Variants in CCNY observed in about 807,000 individuals in gnomAD.
CCNY encodes the protein cyclin Y, also known as cyclin-Y.
Under a neutral mutation model 42.8 loss-of-function variants are expected in CCNY, and 19 were observed. The ratio of observed to expected loss-of-function variants is 0.44; its 90% CI spans 0.31 to 0.65. The LOEUF (loss-of-function observed/expected upper bound fraction) is 0.65, where lower values mean the gene tolerates loss of function less well. Ranked by LOEUF, CCNY falls within the 30% of genes least tolerant of loss-of-function variation. The pLI is 0.07. For synonymous variants in CCNY, 165 were observed against 162.7 expected (o/e 1.01, Z -0.11); for missense variants, 370 against 437.3 (o/e 0.85, Z 1.37).
At chr10:35,553,867 G>A (rs4934758) in intron 8 of CCNY, among the ~76,000 whole-genome samples, 54,095 of 151,900 alleles carry the variant, frequency 0.36, 9,902 homozygotes, top group African/African-American at 0.44. Context: ...CCTGCAGACT[G>A]TTGTCTGGGG....
intron 3 of CCNY, among the ~76,000 whole-genome samples, chr10:35,304,134 C>T (rs990912053): frequency 9.2e-5 from 14 of 152,116 alleles, no homozygotes; most frequent in Non-Finnish European, 1.9e-4. Context: ...AGCTTTGCAC[C>T]TCCTGCACAT....
chr10:35,550,841 A>G (rs1708322984), intron 7 of CCNY, among the ~76,000 whole-genome samples: 1 of 151,998 alleles, frequency 6.6e-6, no homozygotes, highest in Admixed American at 6.6e-5. Flanking sequence ...CTCCAGTCTC[A>G]GGACCAGCCC....
At chr10:35,455,359 C>G (rs1189377754) in intron 1 of CCNY, 1 of 152,200 alleles carries the variant, frequency 6.6e-6, no homozygotes, top group Non-Finnish European at 1.5e-5. Context: ...TTCTCTAGCA[C>G]AGGGAATCTA....
At chr10:35,448,972 G>T (rs1414086402) in intron 1 of CCNY, among the ~76,000 whole-genome samples, 1 of 152,024 alleles carries the variant, frequency 6.6e-6, no homozygotes, top group Non-Finnish European at 1.5e-5. Flanking sequence ...TGCATTGGGT[G>T]GGAATAGCGA....
intron 1 of CCNY, among the ~76,000 whole-genome samples, chr10:35,352,961 T>C (rs891645392): frequency 1.2e-4 from 18 of 152,322 alleles, no homozygotes; most frequent in African/African-American, 4.1e-4. Context: ...GGTCTCACTC[T>C]GTAACCTGGA....
chr10:35,323,746 T>G (rs955215443), intron 3 of CCNY, among the ~76,000 whole-genome samples: 5 of 151,956 alleles, frequency 3.3e-5, no homozygotes, highest in Admixed American at 2.0e-4. Context: ...TGGCCTGGCG[T>G]GGTGGCTCCC....
chr10:35,454,315 G>C (rs577476775), intron 1 of CCNY, among the ~76,000 whole-genome samples: 1 of 152,326 alleles, frequency 6.6e-6, no homozygotes, highest in South Asian at 2.1e-4. Flanking sequence ...AGACGCAAAG[G>C]CATCCAGAAG....
At chr10:35,399,799 CT>C (rs1376304056) in intron 1 of CCNY, among the ~76,000 whole-genome samples, 2 of 152,128 alleles carry the variant, frequency 1.3e-5, no homozygotes, top group Non-Finnish European at 2.9e-5. Flanking sequence ...AATATGCTCC[CT>C]TCAGTGCCAT....
intron 1 of CCNY, among the ~76,000 whole-genome samples, chr10:35,430,883 G>A (rs931213512): frequency 2.0e-5 from 3 of 152,002 alleles, no homozygotes; most frequent in African/African-American, 7.2e-5. Context: ...GGCCGATCAC[G>A]ATCCGCGGGT....
intron 1 of CCNY, among the ~76,000 whole-genome samples, chr10:35,408,897 A>G (rs1437709474): frequency 6.6e-6 from 1 of 152,090 alleles, no homozygotes; most frequent in Non-Finnish European, 1.5e-5. Context: ...ATTTCATCAT[A>G]AATGCCTCTA....
intron 1 of CCNY, among the ~76,000 whole-genome samples, chr10:35,380,073 G>A (rs1485977197): frequency 6.6e-6 from 1 of 152,196 alleles, no homozygotes; most frequent in Non-Finnish European, 1.5e-5. Context: ...CCAGATATTG[G>A]TTAGGTTACA....
chr10:35,254,859 A>G (rs1316268141), intron 3 of CCNY, among the ~76,000 whole-genome samples: 4 of 139,544 alleles, frequency 2.9e-5, no homozygotes, highest in Non-Finnish European at 1.5e-5. Context: ...AAGGAAAGAA[A>G]AAAAGAAAAA....
At chr10:35,257,216 C>T (rs1360282951) in intron 3 of CCNY, among the ~76,000 whole-genome samples, 1 of 128,762 alleles carries the variant, frequency 7.8e-6, no homozygotes, top group African/African-American at 3.2e-5. Context: ...TTCTTTTCTC[C>T]TCCCTCCCTC....
chr10:35,438,585 A>G (rs1158537363), intron 1 of CCNY, among the ~76,000 whole-genome samples: 1 of 152,270 alleles, frequency 6.6e-6, no homozygotes, highest in East Asian at 1.9e-4. Flanking sequence ...TTTGTTTATA[A>G]CAAGTCATTT....
At chr10:35,350,111 A>G (rs1836395698) in intron 1 of CCNY, among the ~76,000 whole-genome samples, 1 of 152,184 alleles carries the variant, frequency 6.6e-6, no homozygotes, top group Admixed American at 6.5e-5. Flanking sequence ...ATTAGGTTCT[A>G]AGATGGTGTT....
At chr10:35,341,774 T>C (rs1274931677) in intron 1 of CCNY, among the ~76,000 whole-genome samples, 1 of 152,088 alleles carries the variant, frequency 6.6e-6, no homozygotes, top group Non-Finnish European at 1.5e-5. Flanking sequence ...TAGGGTGAAG[T>C]ACTGAAAATG....
intron 1 of CCNY, among the ~76,000 whole-genome samples, chr10:35,425,844 A>T (rs757367225): frequency 4.7e-4 from 72 of 152,186 alleles, no homozygotes; most frequent in Non-Finnish European, 8.4e-4. Context: ...TACAAACTAA[A>T]CAACAAAAAC....
chr10:35,486,495 G>A (rs935156469), intron 2 of CCNY, among the ~76,000 whole-genome samples: 2 of 152,132 alleles, frequency 1.3e-5, no homozygotes, highest in African/African-American at 4.8e-5. Flanking sequence ...TTGTGTTACT[G>A]CAGCAGCCTC....
At chr10:35,314,769 G>A (rs1000633464) in intron 3 of CCNY, 3 of 152,062 alleles carry the variant, frequency 2.0e-5, no homozygotes, top group African/African-American at 4.8e-5. Context: ...TTCTTGCAAT[G>A]AGTATTGTCC....
Sources: allele counts gnomAD v4.1 joint callset (sites outside exome capture counted in the v4.1 genomes callset), GRCh38; gene constraint gnomAD v4.1.1; transcripts MANE v1.5; gene names NCBI Gene and HGNC (gene_info 2026-07-23, HGNC 2026-07-21).